MECOM: variants seen among roughly 807,000 people sequenced by gnomAD.
The protein encoded by MECOM is histone-lysine N-methyltransferase MECOM.
Under a neutral mutation model 116.3 loss-of-function variants are expected in MECOM, and 13 were observed. That is an observed-to-expected ratio of 0.11 (90% CI 0.07 to 0.18). The LOEUF is 0.18. MECOM is among the 10% of genes least tolerant of loss of function. The pLI is 1.00. For missense variants in MECOM, 1,299 were observed against 1,509.0 expected (o/e 0.86, Z 2.31); for synonymous variants, 528 against 535.2 (o/e 0.99, Z 0.19).
chr3:169,618,771 T>C (rs1354498145), intron 1 of MECOM, among the ~76,000 whole-genome samples: 4 of 152,254 alleles, frequency 2.6e-5, no homozygotes, highest in African/African-American at 4.8e-5. Flanking sequence ...TCTGGTTTAG[T>C]AATATTAATT....
chr3:169,416,613 A>G (rs1478832854), intron 1 of MECOM, among the ~76,000 whole-genome samples: 1 of 152,172 alleles, frequency 6.6e-6, no homozygotes, highest in Non-Finnish European at 1.5e-5. Flanking sequence ...AAAAAGGATG[A>G]ACAAAATCAA....
intron 2 of MECOM, among the ~76,000 whole-genome samples, chr3:169,263,084 T>C (rs1208202739): frequency 1.6e-3 from 3 of 1,824 alleles, no homozygotes; most frequent in East Asian, 0.031. Flanking sequence ...ATGCTATATA[T>C]ATATATATAT....
intron 2 of MECOM, among the ~76,000 whole-genome samples, chr3:169,351,962 G>C (rs1726410432): frequency 6.6e-6 from 1 of 151,856 alleles, no homozygotes; most frequent in Admixed American, 6.6e-5. Context: ...ATTGATAATA[G>C]ATGGACCCTA....
intron 2 of MECOM, among the ~76,000 whole-genome samples, chr3:169,261,446 C>G (rs1489997774): frequency 6.6e-6 from 1 of 152,074 alleles, no homozygotes; most frequent in Non-Finnish European, 1.5e-5. Flanking sequence ...TGCCTGTAAT[C>G]CCAGCACTTT....
chr3:169,115,578 G>C lies in MECOM; in HGVS notation c.2294C>G (p.Pro765Arg). Residue 765 changes from proline to arginine, a missense_variant, in exon 8 of 17, where the codon CCT becomes CGT. This residue lies in a region of MECOM where 340 missense variants were observed against 312.6 expected (regional missense o/e 1.09). Transcript: ENST00000651503. ...CAGGGGCTGGTCTTGGCTTGTGGCA[G>C]GTGTCACTGGAGGCTTGGAGGGGAC... is the stretch of plus-strand genomic sequence containing the variant. ...TPVPSKPPVTPATSQDQPLDL... is the reference protein window; with the variant it reads ...TPVPSKPPVTRATSQDQPLDL... 1 of 1,614,102 alleles carries C rather than the reference G, an allele frequency of 6.2e-7. No individual in the cohort carries two copies. The highest frequency in any genetic ancestry group is 8.5e-7 in the Non-Finnish European group (1 of 1,180,016).
intron 2 of MECOM, among the ~76,000 whole-genome samples, chr3:169,175,641 T>A (rs567256873): frequency 5.9e-5 from 9 of 152,270 alleles, no homozygotes; most frequent in African/African-American, 2.2e-4. Flanking sequence ...AACGGAAAGG[T>A]CCCAGCAGCA....
Position 169,483,957 on chromosome 3 carries a change from A to G in MECOM, c.38-102433T>C, listed in dbSNP as rs953980941. ...AAACTGCTCAAAATTGGCAGCATCC[A>G]TGATTCTACAGGGTGGGTGCAATCA... On this transcript the variant is annotated intron_variant, in intron 1 of 16. Coordinates refer to ENST00000651503, the MANE Select transcript of MECOM (RefSeq NM_004991.4). 1.4e-5 allele frequency: 22 copies of G among 1,604,916 alleles called. No homozygotes were observed. The East Asian group carries it at 3.1e-4, about 23-fold the overall frequency.
At chr3:169,429,733 G>C (rs902905432) in intron 1 of MECOM, among the ~76,000 whole-genome samples, 1 of 152,100 alleles carries the variant, frequency 6.6e-6, no homozygotes, top group African/African-American at 2.4e-5. Context: ...ACCTTATACT[G>C]TGTCACTAAT....
chr3:169,663,374 C>T lies in MECOM; in HGVS notation c.-2G>A. On this transcript the variant is annotated 5_prime_UTR_variant, in exon 1 of 17. Coordinates refer to ENST00000651503, the MANE Select transcript of MECOM (RefSeq NM_004991.4). ...CCTTGCCCTGCCTTTGGATCTCATG[C>T]TGTGCCCAGTCCTGCAGCCGCTGGT... The T allele has an allele frequency of 6.2e-7, 1 of 1,610,388 alleles. No homozygotes were observed. Among genetic ancestry groups the T allele is most frequent in the Admixed American group, 1.7e-5 (1 of 59,590 alleles).
chr3:169,298,877 A>G (rs1716140761), intron 2 of MECOM, among the ~76,000 whole-genome samples: 1 of 152,164 alleles, frequency 6.6e-6, no homozygotes. Flanking sequence ...GTCCTGCCTC[A>G]GCATTGTTCA....
intron 1 of MECOM, among the ~76,000 whole-genome samples, chr3:169,435,203 T>C (rs1742439210): frequency 6.6e-6 from 1 of 152,184 alleles, no homozygotes; most frequent in Non-Finnish European, 1.5e-5. Context: ...AAGAAGTTAT[T>C]TGTGTTTGGA....
At chr3:169,177,919 CAA>C (rs11297845) in intron 2 of MECOM, among the ~76,000 whole-genome samples, 2 of 130,684 alleles carry the variant, frequency 1.5e-5, no homozygotes. Context: ...GACTTGGTCT[CAA>C]AAAAAAAAAG....
rs1560061063 is a variant in MECOM at position 169,263,118 on chromosome 3, TATATATA to T, written c.375+118062_375+118068del. Among the ~76,000 whole-genome samples, 20 of 96,122 alleles carry T rather than the reference TATATATA, an allele frequency of 2.1e-4. 1 individual carries two copies. The highest frequency in any genetic ancestry group is 5.8e-4 in the African/African-American group (11 of 18,866). The allele number at this position is 96,122 out of a possible 152,430, so 63.1% of individuals were successfully genotyped here. A position where few individuals can be genotyped will look rare whatever the true frequency, so the allele number is the denominator to read the frequency against. ...ATATATATATATATATATATATATA[TATATATA>T]TATGTTTTTTTTTTTTTTTTTGAGA... On this transcript the variant is annotated intron_variant, in intron 2 of 16. Coordinates refer to ENST00000651503, the MANE Select transcript of MECOM (RefSeq NM_004991.4).
chr3:169,306,588 G>A (rs1431063450), intron 2 of MECOM, among the ~76,000 whole-genome samples: 1 of 152,210 alleles, frequency 6.6e-6, no homozygotes, highest in African/African-American at 2.4e-5. Flanking sequence ...GGCTGAGGCA[G>A]GAGAATCACT....
At chr3:169,548,293 A>G (rs370432410) in intron 1 of MECOM, among the ~76,000 whole-genome samples, 9 of 152,270 alleles carry the variant, frequency 5.9e-5, no homozygotes, top group African/African-American at 2.2e-4. Context: ...CTTTTTCTCT[A>G]TTTACTTAAT....
At chr3:169,426,792 A>T (rs1454510151) in intron 1 of MECOM, among the ~76,000 whole-genome samples, 1 of 152,206 alleles carries the variant, frequency 6.6e-6, no homozygotes, top group African/African-American at 2.4e-5. Flanking sequence ...CAAATGCAAA[A>T]TCATAAAATG....
At chr3:169,329,412 C>T (rs367631840) in intron 2 of MECOM, among the ~76,000 whole-genome samples, 10 of 152,274 alleles carry the variant, frequency 6.6e-5, no homozygotes, top group African/African-American at 2.4e-4. Flanking sequence ...TCTCAAAATG[C>T]TTGGGACATT....
intron 2 of MECOM, among the ~76,000 whole-genome samples, chr3:169,161,505 G>A (rs1298653185): frequency 6.6e-6 from 1 of 151,960 alleles, no homozygotes; most frequent in Non-Finnish European, 1.5e-5. Context: ...AAAAAATACT[G>A]GTCACAGATT....
At chr3:169,488,113 CA>C (rs979685109) in intron 1 of MECOM, among the ~76,000 whole-genome samples, 7 of 151,948 alleles carry the variant, frequency 4.6e-5, no homozygotes, top group African/African-American at 1.5e-4. Context: ...ATTATAATGG[CA>C]AATTTCAACA....
Sources: gnomAD v4.1 joint callset for allele counts (sites outside exome capture counted in the v4.1 genomes callset) on GRCh38, gnomAD v4.1.1 for gene constraint, gnomAD v4.1.1 regional missense constraint, MANE v1.5 for transcripts, NCBI Gene and HGNC (gene_info 2026-07-23, HGNC 2026-07-21) for gene names.